The following DOCK3 variants were observed in gnomAD, a reference collection of about 807,000 sequenced individuals.
DOCK3 encodes the protein dedicator of cytokinesis 3.
A neutral mutation model predicts 265.6 loss-of-function variants in DOCK3; 60 were observed. That is an observed-to-expected ratio of 0.23 (90% CI 0.18 to 0.28). DOCK3 has a LOEUF of 0.28. Ranked by LOEUF, DOCK3 falls within the 10% of genes least tolerant of loss-of-function variation. DOCK3 has a pLI of 1.00. For synonymous variants in DOCK3, 881 were observed against 938.0 expected (o/e 0.94, Z 1.11); for missense variants, 1,981 against 2,594.3 (o/e 0.76, Z 5.14).
chr3:51,219,335 G>A (rs1297424344), intron 14 of DOCK3, among the ~76,000 whole-genome samples: 1 of 152,088 alleles, frequency 6.6e-6, no homozygotes, highest in African/African-American at 2.4e-5. Context: ...TGCCTGCTTT[G>A]TTCTCATCTT....
chr3:51,157,715 C>T (rs1314971270), intron 10 of DOCK3, among the ~76,000 whole-genome samples: 3 of 151,860 alleles, frequency 2.0e-5, no homozygotes, highest in Non-Finnish European at 2.9e-5. Context: ...GCTAACCCTG[C>T]AACAGGGTTT....
At chr3:51,291,807 A>G (rs2081793141) in intron 27 of DOCK3, among the ~76,000 whole-genome samples, 1 of 152,224 alleles carries the variant, frequency 6.6e-6, no homozygotes, top group Admixed American at 6.5e-5. Flanking sequence ...AAAGGAAGCT[A>G]TAGGTCAGTA....
chr3:51,362,413 A>G, intron 48 of DOCK3, 114 bp from the exon 49 acceptor site: 1 of 1,370,072 alleles, frequency 7.3e-7, no homozygotes, highest in Non-Finnish European at 1.0e-6. Context: ...GGCTCAGGGG[A>G]TAGCATAAGG....
intron 1 of DOCK3, among the ~76,000 whole-genome samples, chr3:50,727,420 A>G (rs1358381794): frequency 6.6e-6 from 1 of 152,202 alleles, no homozygotes; most frequent in African/African-American, 2.4e-5. Context: ...AAGGTTGGCC[A>G]GGTGTGGTGG....
intron 5 of DOCK3, among the ~76,000 whole-genome samples, chr3:51,053,078 G>GATAGATATATATATATATAT (rs1345393303): frequency 4.6e-5 from 2 of 43,786 alleles, no homozygotes; most frequent in Non-Finnish European, 8.5e-5. Context: ...AAAAGTCAAA[G>GATAGATATATATATATATAT]ATATATATAT....
chr3:50,937,913 A>T (rs2051476863), intron 5 of DOCK3, among the ~76,000 whole-genome samples: 1 of 152,150 alleles, frequency 6.6e-6, no homozygotes, highest in African/African-American at 2.4e-5. Flanking sequence ...TATATGAGTG[A>T]TTACAAGATA....
rs771129941 is a variant in DOCK3, at chr3:50,734,602, G to GTTT, written c.38-44057_38-44055dup. ...TATTATATTCTTGCTTTTACAGTGA[G>GTTT]TTTTTTTTTTTTTTTTTTGAGATGG... On this transcript the variant is annotated intron_variant, in intron 1 of 52. Transcript: ENST00000266037. Among the ~76,000 whole-genome samples the GTTT allele has an allele frequency of 7.8e-3, 833 of 107,364 alleles. 83 individuals are homozygous for GTTT. Among genetic ancestry groups the GTTT allele is most frequent in the African/African-American group, 9.5e-3 (257 of 27,072 alleles). The allele number at this position is 107,364 out of a possible 152,430, so 70.4% of individuals were successfully genotyped here. A position where few individuals can be genotyped will look rare whatever the true frequency, so the allele number is the denominator to read the frequency against.
chr3:51,312,927 C>G (rs1160027949), intron 31 of DOCK3, 25 bp downstream of exon 31: 1 of 1,583,160 alleles, frequency 6.3e-7, no homozygotes, highest in Non-Finnish European at 8.6e-7. Flanking sequence ...CCTATTCTTC[C>G]CTTCTATATA....
intron 27 of DOCK3, among the ~76,000 whole-genome samples, chr3:51,286,129 A>G (rs1241514624): frequency 2.0e-5 from 3 of 152,234 alleles, no homozygotes; most frequent in Non-Finnish European, 4.4e-5. Context: ...GTTTCAGGAT[A>G]CAAAAATCGA....
chr3:51,329,885 A>G (rs1291132694), intron 32 of DOCK3, among the ~76,000 whole-genome samples: 1 of 152,186 alleles, frequency 6.6e-6, no homozygotes, highest in Non-Finnish European at 1.5e-5. Flanking sequence ...TTTTGCCCTT[A>G]GATTGGAAAG....
At chr3:50,857,554 T>C (rs954648574) in intron 3 of DOCK3, among the ~76,000 whole-genome samples, 12 of 152,090 alleles carry the variant, frequency 7.9e-5, no homozygotes, top group Non-Finnish European at 1.5e-4. Context: ...AGGACTAATA[T>C]CCAGAATCTA....
intron 5 of DOCK3, among the ~76,000 whole-genome samples, chr3:50,964,122 G>C (rs988251887): frequency 6.6e-6 from 1 of 152,216 alleles, no homozygotes; most frequent in Admixed American, 6.5e-5. Context: ...GGAAGGACTT[G>C]CTTCAATAGT....
intron 1 of DOCK3, among the ~76,000 whole-genome samples, chr3:50,717,249 T>C (rs2037173611): frequency 6.6e-6 from 1 of 152,232 alleles, no homozygotes; most frequent in African/African-American, 2.4e-5. Context: ...TGTGCAAATA[T>C]ACCTGTAAGA....
intron 12 of DOCK3, among the ~76,000 whole-genome samples, chr3:51,191,365 TC>T (rs2087937170): frequency 1.3e-5 from 2 of 152,018 alleles, no homozygotes; most frequent in Non-Finnish European, 2.9e-5. Flanking sequence ...TTCCGTGAGG[TC>T]CCCTGTGACG....
chr3:50,832,869 C>T (rs542208457), intron 2 of DOCK3, among the ~76,000 whole-genome samples: 2 of 152,000 alleles, frequency 1.3e-5, no homozygotes, highest in East Asian at 1.9e-4. Flanking sequence ...ATTGGTTTGT[C>T]GAGGGCCGTT....
chr3:50,785,996 T>G (rs1159287688), intron 2 of DOCK3, among the ~76,000 whole-genome samples: 2 of 152,086 alleles, frequency 1.3e-5, no homozygotes, highest in Non-Finnish European at 2.9e-5. Flanking sequence ...TGCTTGTTAT[T>G]TGTCTGTTCA....
intron 14 of DOCK3, among the ~76,000 whole-genome samples, chr3:51,220,288 AG>A (rs1256212295): frequency 2.0e-5 from 3 of 152,278 alleles, no homozygotes; most frequent in Admixed American, 6.5e-5. Flanking sequence ...CATGATCTTA[AG>A]GAAGAGAAAG....
At chr3:51,171,178 G>C (rs1227747287) in intron 12 of DOCK3, among the ~76,000 whole-genome samples, 1 of 152,006 alleles carries the variant, frequency 6.6e-6, no homozygotes, top group Non-Finnish European at 1.5e-5. Context: ...ATTTATTACT[G>C]TAAATGTTTC....
chr3:51,200,777 A>G (rs1301079696), intron 12 of DOCK3, among the ~76,000 whole-genome samples: 1 of 152,116 alleles, frequency 6.6e-6, no homozygotes, highest in African/African-American at 2.4e-5. Flanking sequence ...CCAGAGAGAA[A>G]GGTCGGGTTA....
Sources: allele counts gnomAD v4.1 joint callset (sites outside exome capture counted in the v4.1 genomes callset), GRCh38; gene constraint gnomAD v4.1.1; transcripts MANE v1.5; gene names NCBI Gene and HGNC (gene_info 2026-07-23, HGNC 2026-07-21).